Variants in VPS50 observed in about 807,000 individuals in gnomAD.
The protein encoded by VPS50 is VPS50 subunit of EARP/GARPII complex.
In VPS50, 70 loss-of-function variants were observed where a neutral mutation model predicts 139.7. The ratio of observed to expected loss-of-function variants is 0.50; its 90% CI spans 0.41 to 0.61. VPS50 has a LOEUF of 0.61. Ranked by LOEUF, VPS50 falls within the 20% of genes least tolerant of loss-of-function variation. The probability of loss-of-function intolerance (pLI) is 0.00; values close to 1 mark genes in which losing one functional copy is unlikely to be tolerated. For missense variants in VPS50, 921 were observed against 1,133.7 expected (o/e 0.81, Z 2.69); for synonymous variants, 365 against 376.7 (o/e 0.97, Z 0.36).
intron 23 of VPS50, among the ~76,000 whole-genome samples, chr7:93,341,781 A>G (rs1445695719): frequency 6.6e-6 from 1 of 152,224 alleles, no homozygotes; most frequent in African/African-American, 2.4e-5. Flanking sequence ...AAATGGAAAG[A>G]AGGAAATCTT....
intron 3 of VPS50, 106 bp downstream of exon 3, chr7:93,252,881 A>G (rs562127338): frequency 1.2e-6 from 1 of 804,484 alleles, no homozygotes; most frequent in South Asian, 1.9e-5. Context: ...TTGGTACCAG[A>G]ATAGGTCTGT....
At chr7:93,284,202 G>C (rs1796413983) in intron 12 of VPS50, among the ~76,000 whole-genome samples, 1 of 152,078 alleles carries the variant, frequency 6.6e-6, no homozygotes, top group Non-Finnish European at 1.5e-5. Flanking sequence ...AACCGTTTTT[G>C]GGCCACCTTG....
At chr7:93,306,082 C>T in intron 18 of VPS50, 78 bp downstream of exon 18, 2 of 1,028,064 alleles carry the variant, frequency 1.9e-6, no homozygotes, top group Non-Finnish European at 3.0e-6. Flanking sequence ...CAATTCACTA[C>T]ATTTACGTAT....
Position 93,323,660 on chromosome 7 carries a change from T to A in VPS50, c.1905T>A (p.Val635=). ...TTCTTAAGCCAATTGCCTTTGATGT[T>A]ATTCATTTCATGTCTCAACTATTTG... is the stretch of plus-strand genomic sequence containing the variant. ...MNILKPIAFD[V]IHFMSQLFDY... is the part of the protein sequence containing the mutation. The change falls in exon 21 of 28, where the codon GTT becomes GTA. Residue 635 remains valine (V), a synonymous_variant. Transcript: ENST00000305866. 7.3e-7 allele frequency: 1 copy of A among 1,371,226 alleles called. No individual in the cohort carries two copies. The highest frequency in any genetic ancestry group is 1.6e-5 in the South Asian group (1 of 63,316). 84.9% of individuals were successfully genotyped at this position (1,371,226 alleles called of 1,614,324 possible).
At chr7:93,350,531 G>C (rs1229759737) in intron 25 of VPS50, among the ~76,000 whole-genome samples, 1 of 152,100 alleles carries the variant, frequency 6.6e-6, no homozygotes, top group Non-Finnish European at 1.5e-5. Flanking sequence ...TAAGATATCT[G>C]TAGATCACCT....
rs1228670733 is a variant in VPS50 at position 93,232,837 on chromosome 7, A to G, written c.33+337A>G. ...CTTCCGCATCCAGGCTGTCTGTCATATGCGAGCTGATAGCCTGGGTAGGGT... is the reference window on the plus strand; with the variant it reads ...CTTCCGCATCCAGGCTGTCTGTCATGTGCGAGCTGATAGCCTGGGTAGGGT... On this transcript the variant is annotated intron_variant, in intron 1 of 27. Transcript: ENST00000305866. Among the ~76,000 whole-genome samples, 3 of 152,216 alleles carry G rather than the reference A, an allele frequency of 2.0e-5. No individual in the cohort carries two copies. The East Asian group carries it at 5.8e-4, about 29-fold the overall frequency.
intron 13 of VPS50, among the ~76,000 whole-genome samples, chr7:93,292,092 G>T (rs1376991538): frequency 1.3e-5 from 2 of 151,946 alleles, no homozygotes; most frequent in East Asian, 3.8e-4. Flanking sequence ...CTTTAGGACT[G>T]AATTTATAAA....
rs759478106 is a variant in VPS50 at position 93,239,852 on chromosome 7, A to T, written c.34-14A>T. 6.5e-7 allele frequency: 1 copy of T among 1,529,232 alleles called. No individual in the cohort carries two copies. 94.7% of individuals were successfully genotyped at this position (1,529,232 alleles called of 1,614,324 possible). ...GCATGATTAAAATTTTCCTCATCTT[A>T]TTATTTTTTTAAGGGTCTGAAAAGC... On this transcript the variant is annotated splice_polypyrimidine_tract_variant and intron_variant, in intron 1 of 27. Transcript: ENST00000305866.
At chr7:93,237,948 T>A (rs1205215739) in intron 1 of VPS50, among the ~76,000 whole-genome samples, 2 of 152,200 alleles carry the variant, frequency 1.3e-5, no homozygotes, top group African/African-American at 2.4e-5. Context: ...TATGTTTCCA[T>A]ATGTTCTCAT....
chr7:93,353,688 C>T lies in VPS50; in HGVS notation c.2512C>T (p.Arg838Cys), dbSNP rs768307939. The T allele has an allele frequency of 6.2e-6, 10 of 1,612,822 alleles. No individual in the cohort carries two copies. The highest frequency in any genetic ancestry group is 4.4e-5 in the South Asian group (4 of 91,012). ...GCTAAATGAAGTTTCTAAGAGAGTT[C>T]GCATACCCTTGCCTGTGTCTAATAT... Reference protein sequence around the residue: ...RRLNEVSKRVRIPLPVSNILW... With the variant: ...RRLNEVSKRVCIPLPVSNILW... The change falls in exon 26 of 28, where the codon CGC (arginine) becomes TGC (cysteine). Residue 838 changes from arginine to cysteine, a missense_variant. This residue lies in a region of VPS50 where 158 missense variants were observed against 156.3 expected (regional missense o/e 1.01). Coordinates refer to ENST00000305866, the MANE Select transcript of VPS50 (RefSeq NM_017667.4).
intron 23 of VPS50, 72 bp downstream of exon 23, chr7:93,341,647 A>G: frequency 9.8e-7 from 1 of 1,019,654 alleles, no homozygotes; most frequent in Non-Finnish European, 1.5e-6. Flanking sequence ...TTGTTTAATT[A>G]GACTTCTAGT....
intron 23 of VPS50, among the ~76,000 whole-genome samples, chr7:93,348,130 A>C (rs1798456693): frequency 7.9e-5 from 12 of 152,218 alleles, no homozygotes; most frequent in Admixed American, 7.9e-4. Flanking sequence ...AAGAAAAAGC[A>C]GAAAAAGACA....
intron 16 of VPS50, among the ~76,000 whole-genome samples, chr7:93,298,996 T>G (rs1389608640): frequency 6.6e-6 from 1 of 152,192 alleles, no homozygotes; most frequent in African/African-American, 2.4e-5. Context: ...CCATAAGTGT[T>G]GCCTAGACAT....
intron 6 of VPS50, 105 bp from the exon 7 acceptor site, chr7:93,258,054 A>C (rs1795543459): frequency 1.6e-6 from 1 of 616,554 alleles, no homozygotes; most frequent in South Asian, 2.1e-5. Context: ...CCTTGGTTTT[A>C]ATAGTAATCC....
chr7:93,281,212 A>G (rs1796317396), intron 12 of VPS50, among the ~76,000 whole-genome samples: 1 of 152,186 alleles, frequency 6.6e-6, no homozygotes, highest in South Asian at 2.1e-4. Flanking sequence ...CTAATGTCCC[A>G]TTCTTATAGG....
chr7:93,232,568 C>A (rs1794666202), intron 1 of VPS50, 68 bp downstream of exon 1: 3 of 1,362,330 alleles, frequency 2.2e-6, no homozygotes, highest in Middle Eastern at 1.9e-4. Flanking sequence ...GATGTTCTGT[C>A]CCCAACCAGT....
Position 93,341,333 on chromosome 7 carries a change from G to C in VPS50, c.2059-94G>C, listed in dbSNP as rs562157390. On this transcript the variant is annotated intron_variant, in intron 22 of 27. Transcript: ENST00000305866. The stretch of plus-strand genomic sequence containing the variant: ...TAAATGTAATTAACGTGTGCCCCAA[G>C]AGTATTTTAATTTTAATTCTAATTT... The C allele has an allele frequency of 1.6e-5, 12 of 754,978 alleles. No homozygotes were observed. The East Asian group carries it at 2.5e-4, about 16-fold the overall frequency. 46.8% of individuals were successfully genotyped at this position (754,978 alleles called of 1,614,324 possible).
chr7:93,232,510 G>A lies in VPS50; in HGVS notation c.33+10G>A. 1 of 1,612,166 alleles carries A rather than the reference G, an allele frequency of 6.2e-7. No homozygotes were observed. The highest frequency in any genetic ancestry group is 8.5e-7 in the Non-Finnish European group (1 of 1,178,392). On this transcript the variant is annotated intron_variant, in intron 1 of 27. Transcript: ENST00000305866. Reference sequence around the variant, plus strand: ...TCTCATGACCCGACAGGTAAGTCGCGGCGGCTGAAGCAAAGGCTTCCTTCA... The same window carrying A: ...TCTCATGACCCGACAGGTAAGTCGCAGCGGCTGAAGCAAAGGCTTCCTTCA...
At chr7:93,333,523 GACTA>G (rs1347807876) in intron 21 of VPS50, among the ~76,000 whole-genome samples, 2 of 152,042 alleles carry the variant, frequency 1.3e-5, no homozygotes, top group African/African-American at 2.4e-5. Context: ...ACAAGGAGCT[GACTA>G]ACTGGCTTTT....
Sources: allele counts gnomAD v4.1 joint callset (sites outside exome capture counted in the v4.1 genomes callset), GRCh38; gene constraint gnomAD v4.1.1; regional missense constraint gnomAD v4.1.1; transcripts MANE v1.5; gene names NCBI Gene and HGNC (gene_info 2026-07-23, HGNC 2026-07-21).